Variants in OR3A2 observed in about 807,000 individuals in gnomAD.
OR3A2 encodes olfactory receptor family 3 subfamily A member 2.
For synonymous variants in OR3A2, 126 were observed against 159.3 expected, an observed-to-expected ratio of 0.79 and a Z score of 1.57; for missense variants, 318 against 392.8, an observed-to-expected ratio of 0.81 and a Z score of 1.61.
chr17:3,287,189 A>C (rs1256955460), upstream of OR3A2, among the ~76,000 whole-genome samples: 1 of 152,232 alleles, frequency 6.6e-6, no homozygotes, highest in Admixed American at 6.5e-5. Flanking sequence ...CATCACTCAA[A>C]TAATGTACAC....
At chr17:3,372,220 A>C (rs1331309209) in intron 2 of OR3A2, among the ~76,000 whole-genome samples, 1 of 146,064 alleles carries the variant, frequency 6.8e-6, no homozygotes. Flanking sequence ...CACATCTCAG[A>C]CGATGGGCGG....
intron 2 of OR3A2, among the ~76,000 whole-genome samples, chr17:3,365,656 C>T (rs1042164525): frequency 3.9e-5 from 6 of 152,196 alleles, no homozygotes; most frequent in African/African-American, 1.4e-4. Flanking sequence ...AACCCAACAC[C>T]TTGAGGTTAC....
At chr17:3,299,696 G>A (rs928581256) in intron 3 of OR3A2, among the ~76,000 whole-genome samples, 3 of 152,126 alleles carry the variant, frequency 2.0e-5, no homozygotes, top group Non-Finnish European at 4.4e-5. Flanking sequence ...CCCCAGAAGA[G>A]CCTGGTAAGA....
chr17:3,297,969 TTTG>T (rs2048933112), intron 3 of OR3A2, among the ~76,000 whole-genome samples: 2 of 151,782 alleles, frequency 1.3e-5, no homozygotes, highest in East Asian at 1.9e-4. Flanking sequence ...GTGGGGTTTC[TTTG>T]TTGTTCTTCT....
chr17:3,325,932 G>T (rs1025657102), intron 3 of OR3A2, among the ~76,000 whole-genome samples: 3 of 151,966 alleles, frequency 2.0e-5, no homozygotes, highest in Non-Finnish European at 4.4e-5. Context: ...TCTTCCTGAT[G>T]CTCTCCCTTC....
intron 2 of OR3A2, among the ~76,000 whole-genome samples, chr17:3,338,785 T>C (rs997048080): frequency 6.6e-6 from 1 of 152,220 alleles, no homozygotes; most frequent in Non-Finnish European, 1.5e-5. Flanking sequence ...AACTTTAAAG[T>C]AGTTTTTTCC....
intron 2 of OR3A2, among the ~76,000 whole-genome samples, chr17:3,347,396 C>A (rs1330093784): frequency 6.6e-6 from 1 of 152,088 alleles, no homozygotes; most frequent in Admixed American, 6.6e-5. Context: ...CCTCCCCTCT[C>A]CCCCGGCCCC....
At chr17:3,375,695 T>A (rs2049677568) in intron 2 of OR3A2, among the ~76,000 whole-genome samples, 1 of 152,184 alleles carries the variant, frequency 6.6e-6, no homozygotes. Flanking sequence ...TTACCAGAAT[T>A]ACTTTTCTGG....
At chr17:3,342,141 T>C (rs1706429108) in intron 2 of OR3A2, among the ~76,000 whole-genome samples, 1 of 152,222 alleles carries the variant, frequency 6.6e-6, no homozygotes, top group South Asian at 2.1e-4. Context: ...TTCTCTACAC[T>C]GTTTATTCTA....
chr17:3,385,571 A>G (rs927080049), intron 1 of OR3A2, among the ~76,000 whole-genome samples: 1 of 152,152 alleles, frequency 6.6e-6, no homozygotes, highest in Non-Finnish European at 1.5e-5. Flanking sequence ...CCAACAACCA[A>G]TTCCATGGGT....
upstream of OR3A2, among the ~76,000 whole-genome samples, chr17:3,289,334 T>C (rs755824886): frequency 4.9e-4 from 74 of 152,152 alleles, no homozygotes; most frequent in Non-Finnish European, 2.5e-4. Flanking sequence ...TGAAATGGAA[T>C]CTCCCAAATT....
intron 2 of OR3A2, among the ~76,000 whole-genome samples, chr17:3,361,256 A>G (rs1414558677): frequency 6.6e-6 from 1 of 150,646 alleles, no homozygotes; most frequent in Non-Finnish European, 1.5e-5. Flanking sequence ...ATTTTTGTAC[A>G]TTGATTTTGT....
At chr17:3,326,448 G>A (rs2049173490) in intron 3 of OR3A2, among the ~76,000 whole-genome samples, 1 of 152,036 alleles carries the variant, frequency 6.6e-6, no homozygotes, top group Non-Finnish European at 1.5e-5. Context: ...ACCGGCTGGA[G>A]CTGCAGCAGA....
rs370528550 is a variant in OR3A2 at position 3,290,826 on chromosome 17, G to A, written c.-84-11673C>T. Among the ~76,000 whole-genome samples the A allele has an allele frequency of 1.8e-4, 28 of 152,306 alleles. No individual in the cohort carries two copies. The East Asian group carries it at 3.9e-3, about 21-fold the overall frequency. ...GGAGGTTTGGAGACTAAGAGTGAGA[G>A]TTTTGGAGAAATTTTCATATTGAGT... On this transcript the variant is annotated intron_variant, in intron 3 of 4. Transcript: ENST00000573491.
chr17:3,285,633 CAA>C (rs1447432302), upstream of OR3A2, among the ~76,000 whole-genome samples: 1 of 151,972 alleles, frequency 6.6e-6, no homozygotes, highest in Non-Finnish European at 1.5e-5. Context: ...CAAAAAATAA[CAA>C]AAATTTGTCA....
At position 3,365,182 on chromosome 17, in the gene OR3A2, CA is replaced by C. The variant is rs34602022; in HGVS notation, c.-179+18621del. Among the ~76,000 whole-genome samples the C allele has an allele frequency of 5.3e-3, 801 of 152,248 alleles. 4 individuals carry two copies. Among genetic ancestry groups the C allele is most frequent in the African/African-American group, 0.017 (705 of 41,536 alleles). On this transcript the variant is annotated intron_variant, in intron 2 of 4. Transcript: ENST00000573491. ...GAAGTCTGGAAAACAATTCACTCTA[CA>C]AAAATTCATAGTTCCCGACTGTATC...
At chr17:3,349,466 C>A (rs565224282) in intron 2 of OR3A2, among the ~76,000 whole-genome samples, 1 of 152,082 alleles carries the variant, frequency 6.6e-6, no homozygotes, top group East Asian at 1.9e-4. Flanking sequence ...GGGATCAATT[C>A]AACAAGAAGA....
intron 3 of OR3A2, among the ~76,000 whole-genome samples, chr17:3,300,441 C>T (rs1483392148): frequency 2.0e-5 from 3 of 152,130 alleles, no homozygotes; most frequent in African/African-American, 7.2e-5. Context: ...TGCCTGTAAT[C>T]CCAGCTACTC....
intron 2 of OR3A2, among the ~76,000 whole-genome samples, chr17:3,348,996 C>A (rs1431413625): frequency 1.3e-5 from 2 of 152,014 alleles, no homozygotes; most frequent in Non-Finnish European, 2.9e-5. Flanking sequence ...GATTTTGTCG[C>A]CACCAGGCCT....
Sources: allele counts gnomAD v4.1 joint callset (sites outside exome capture counted in the v4.1 genomes callset), GRCh38; gene constraint gnomAD v4.1.1; transcripts MANE v1.5; gene names NCBI Gene and HGNC (gene_info 2026-07-23, HGNC 2026-07-21).